The following POLA1 variants were observed in gnomAD, a reference collection of about 807,000 sequenced individuals.
POLA1 encodes DNA polymerase alpha catalytic subunit.
POLA1 carries 15 observed loss-of-function variants against 124.0 expected under a neutral mutation model. That is an observed-to-expected ratio of 0.12 (90% CI 0.08 to 0.19). POLA1 has a LOEUF of 0.19. POLA1 is among the 10% of genes least tolerant of loss of function. The pLI, the probability that POLA1 is intolerant of heterozygous loss-of-function variation, is 1.00. For missense variants in POLA1, 886 were observed against 1,103.4 expected (o/e 0.80, Z 2.79); for synonymous variants, 408 against 389.4 (o/e 1.05, Z -0.56).
At chrX:24,801,180 G>A (rs996285949) in intron 26 of POLA1, among the ~76,000 whole-genome samples, 1 of 112,010 alleles carries the variant, frequency 8.9e-6, no homozygotes, top group Non-Finnish European at 1.9e-5. Flanking sequence ...TATATAACAT[G>A]CATTGTGTTT....
chrX:24,954,798 C>T (rs902559404), intron 36 of POLA1, among the ~76,000 whole-genome samples: 2 of 111,734 alleles, frequency 1.8e-5, no homozygotes, highest in African/African-American at 6.5e-5. Context: ...GAGAAAGTGC[C>T]AGTACTGAGC....
chrX:24,766,289 C>A (rs910033880), intron 26 of POLA1, among the ~76,000 whole-genome samples: 1 of 112,166 alleles, frequency 8.9e-6, no homozygotes, highest in African/African-American at 3.2e-5. Context: ...TGTTTATATA[C>A]ATCTTCCTTA....
At chrX:24,855,081 A>G (rs1486754582) in intron 34 of POLA1, among the ~76,000 whole-genome samples, 4 of 111,444 alleles carry the variant, frequency 3.6e-5, no homozygotes, top group African/African-American at 1.3e-4. Flanking sequence ...TGATTCAGTT[A>G]TGTGATAAAG....
intron 22 of POLA1, 66 bp from the exon 23 acceptor site, chrX:24,743,164 T>C (rs1931778276): frequency 3.5e-6 from 2 of 571,283 alleles, no homozygotes; most frequent in Non-Finnish European, 5.7e-6. Flanking sequence ...AAAGAGAGAA[T>C]CATCAAAATT....
At chrX:24,954,723 A>T (rs184843469) in intron 36 of POLA1, among the ~76,000 whole-genome samples, 2 of 112,317 alleles carry the variant, frequency 1.8e-5, no homozygotes, top group East Asian at 2.8e-4. Context: ...ATTTGGTGGT[A>T]TTGTCTTATT....
At chrX:24,786,874 T>C (rs2045376104) in intron 26 of POLA1, among the ~76,000 whole-genome samples, 1 of 106,949 alleles carries the variant, frequency 9.4e-6, no homozygotes, top group Non-Finnish European at 1.9e-5. Context: ...TTTTTAAAGA[T>C]GGGGTTTTGC....
At chrX:24,943,632 TTTA>T (rs1569370740) in intron 36 of POLA1, among the ~76,000 whole-genome samples, 3 of 112,615 alleles carry the variant, frequency 2.7e-5, no homozygotes, top group African/African-American at 9.7e-5. Flanking sequence ...TAGTGAAGGC[TTTA>T]TCACTTTTAA....
At chrX:24,780,657 C>T (rs912726181) in intron 26 of POLA1, among the ~76,000 whole-genome samples, 1 of 111,881 alleles carries the variant, frequency 8.9e-6, no homozygotes, top group Non-Finnish European at 1.9e-5. Flanking sequence ...CATTTCTGGG[C>T]TAAACCCCAC....
At chrX:24,698,389 T>C (rs1246394952) in intron 1 of POLA1, among the ~76,000 whole-genome samples, 1 of 112,177 alleles carries the variant, frequency 8.9e-6, no homozygotes, top group African/African-American at 3.2e-5. Context: ...GTTTTAGTAA[T>C]GTCCTGTGTC....
chrX:24,707,854 C>T (rs1373888263), intron 4 of POLA1, among the ~76,000 whole-genome samples: 4 of 111,191 alleles, frequency 3.6e-5, no homozygotes, highest in Admixed American at 9.5e-5. Context: ...ATTAGTCGGG[C>T]GTGGTGGTGG....
intron 36 of POLA1, among the ~76,000 whole-genome samples, chrX:24,992,746 T>C (rs1020983913): frequency 8.9e-6 from 1 of 112,912 alleles, no homozygotes; most frequent in African/African-American, 3.2e-5. Context: ...GTAGAGTTAG[T>C]TTCCTTAGAT....
intron 3 of POLA1, 116 bp downstream of exon 3, chrX:24,703,463 C>G (rs1268287119): frequency 2.0e-6 from 1 of 500,731 alleles, no homozygotes; most frequent in Non-Finnish European, 3.4e-6. Flanking sequence ...AAATGTAAGG[C>G]ACTGTTAGGA....
chrX:24,994,286 C>T (rs1323366779), intron 36 of POLA1, among the ~76,000 whole-genome samples: 2 of 112,918 alleles, frequency 1.8e-5, no homozygotes, highest in African/African-American at 6.4e-5. Flanking sequence ...TAAAGGACAA[C>T]TTATGTAATT....
intron 35 of POLA1, among the ~76,000 whole-genome samples, chrX:24,919,561 A>G (rs764540938): frequency 9.0e-6 from 1 of 111,561 alleles, no homozygotes; most frequent in African/African-American, 3.3e-5. Context: ...AGGCAAATGA[A>G]CACGTATTCA....
intron 36 of POLA1, among the ~76,000 whole-genome samples, chrX:24,942,143 G>A (rs891504869): frequency 1.8e-5 from 2 of 111,560 alleles, no homozygotes; most frequent in African/African-American, 6.5e-5. Flanking sequence ...CCTTTTTATA[G>A]GACTCTACTT....
At chrX:24,841,164 GA>G (rs1190531666) in intron 32 of POLA1, among the ~76,000 whole-genome samples, 1 of 112,090 alleles carries the variant, frequency 8.9e-6, no homozygotes, top group Non-Finnish European at 1.9e-5. Context: ...CACTGAATTA[GA>G]TTGCAACCTA....
intron 13 of POLA1, among the ~76,000 whole-genome samples, chrX:24,726,384 G>A (rs953859126): frequency 8.9e-6 from 1 of 111,933 alleles, no homozygotes; most frequent in African/African-American, 3.2e-5. Context: ...GCAGTGGAAA[G>A]GTGAGAGAGG....
chrX:24,902,864 T>C (rs898710877), intron 35 of POLA1, among the ~76,000 whole-genome samples: 2 of 112,430 alleles, frequency 1.8e-5, no homozygotes, highest in African/African-American at 6.5e-5. Context: ...TTTACACATC[T>C]TCAGTAGCTA....
Position 24,732,446 on chromosome X carries a change from A to G in POLA1, c.1763A>G (p.His588Arg), listed in dbSNP as rs1190393160. Residue 588 changes from histidine to arginine, a missense_variant, in exon 16 of 37, where the codon CAC becomes CGC. Coordinates refer to ENST00000379068, the MANE Select transcript of POLA1 (RefSeq NM_001330360.2). ...KAAPKPPFQS[H>R]FCVVSKPKDC... ...GCCCCAAAGCCTCCCTTTCAGTCAC[A>G]CTTCTGTGGTATGTATTTTTTTTTA... 4 of 1,151,136 alleles carry G rather than the reference A, an allele frequency of 3.5e-6. No individual in the cohort carries two copies. In the East Asian group the frequency reaches 9.0e-5, roughly 26 times the overall value. 94.9% of individuals were successfully genotyped at this position (1,151,136 alleles called of 1,213,427 possible).
Sources: allele counts gnomAD v4.1 joint callset (sites outside exome capture counted in the v4.1 genomes callset), GRCh38; gene constraint gnomAD v4.1.1; transcripts MANE v1.5; gene names NCBI Gene and HGNC (gene_info 2026-07-23, HGNC 2026-07-21).